The following IFT88 variants were observed in gnomAD, a reference collection of about 807,000 sequenced individuals.
IFT88 encodes intraflagellar transport 88, also known as intraflagellar transport protein 88 homolog.
In IFT88, 74 loss-of-function variants were observed where a neutral mutation model predicts 119.5. The ratio of observed to expected loss-of-function variants is 0.62; its 90% CI spans 0.51 to 0.75. The LOEUF (loss-of-function observed/expected upper bound fraction) is 0.75. IFT88 is among the 30% of genes least tolerant of loss of function. The pLI is 0.00. For synonymous variants in IFT88, 279 were observed against 316.7 expected, an observed-to-expected ratio of 0.88 and a Z score of 1.26; for missense variants, 961 against 977.7, an observed-to-expected ratio of 0.98 and a Z score of 0.23.
At chr13:20,605,398 C>T (rs762606146) in intron 13 of IFT88, among the ~76,000 whole-genome samples, 1 of 152,118 alleles carries the variant, frequency 6.6e-6, no homozygotes, top group Non-Finnish European at 1.5e-5. Context: ...AGTTGTTTCC[C>T]TCTGCATTTG....
intron 24 of IFT88, among the ~76,000 whole-genome samples, chr13:20,681,565 A>G (rs2057323861): frequency 6.6e-6 from 1 of 152,272 alleles, no homozygotes. Flanking sequence ...ATATTTCAGT[A>G]GCAGCTAGGC....
intron 22 of IFT88, among the ~76,000 whole-genome samples, chr13:20,657,612 G>A (rs988151088): frequency 6.6e-6 from 1 of 152,060 alleles, no homozygotes; most frequent in African/African-American, 2.4e-5. Flanking sequence ...AAAATAATAT[G>A]CTGGAAACGA....
chr13:20,648,589 A>G (rs1457843435), intron 20 of IFT88, among the ~76,000 whole-genome samples: 3 of 152,158 alleles, frequency 2.0e-5, no homozygotes, highest in Admixed American at 6.6e-5. Context: ...AAAATACCAA[A>G]AAAGAGTAGT....
At chr13:20,688,190 C>A (rs533227370) in intron 24 of IFT88, among the ~76,000 whole-genome samples, 4 of 152,106 alleles carry the variant, frequency 2.6e-5, no homozygotes, top group East Asian at 1.9e-4. Context: ...ACAACAACAA[C>A]AAAAAAATTA....
At chr13:20,625,996 A>G in intron 15 of IFT88, 147 bp downstream of exon 15, 1 of 353,408 alleles carries the variant, frequency 2.8e-6, no homozygotes, top group Non-Finnish European at 4.9e-6. Flanking sequence ...GTTAATTTTC[A>G]TTAAAATAGT....
intron 19 of IFT88, among the ~76,000 whole-genome samples, chr13:20,643,898 C>T (rs185737508): frequency 1.3e-3 from 205 of 152,184 alleles, no homozygotes; most frequent in African/African-American, 4.8e-3. Flanking sequence ...GGATTACAGG[C>T]GCCTGCCACC....
At position 20,607,765 on chromosome 13, in the gene IFT88, G is replaced by A; in HGVS notation, c.1112+2660G>A. The A allele has an allele frequency of 1.5e-5, 11 of 748,890 alleles. No homozygotes were observed. The South Asian group carries it at 1.5e-4, about 10-fold the overall frequency. The allele number at this position is 748,890 out of a possible 1,614,324, so 46.4% of individuals were successfully genotyped here. A position where few individuals can be genotyped will look rare whatever the true frequency, so the allele number is the denominator to read the frequency against. Reference sequence around the variant, plus strand: ...CTGTAACTTTGCCTAGAATGTCATTGCCTTCAGCATCCTCAACCTCGTCAG... The same window carrying A: ...CTGTAACTTTGCCTAGAATGTCATTACCTTCAGCATCCTCAACCTCGTCAG... On this transcript the variant is annotated intron_variant, in intron 13 of 25. Coordinates refer to ENST00000351808, the MANE Select transcript of IFT88 (RefSeq NM_006531.5).
chr13:20,678,820 G>A (rs547746415), intron 24 of IFT88, among the ~76,000 whole-genome samples: 25 of 152,254 alleles, frequency 1.6e-4, no homozygotes, highest in African/African-American at 4.8e-4. Flanking sequence ...CTTTGTCACG[G>A]TGGGCTACTT....
At chr13:20,667,563 C>T (rs2054931325) in intron 23 of IFT88, among the ~76,000 whole-genome samples, 1 of 151,686 alleles carries the variant, frequency 6.6e-6, no homozygotes, top group Non-Finnish European at 1.5e-5. Flanking sequence ...TTTATTTTTG[C>T]ATTCATTTCA....
In IFT88 at chr13:20,620,756, G is replaced by A. The variant is rs559858364; in HGVS notation, c.1199+4877G>A. 1.4e-4 allele frequency among the ~76,000 whole-genome samples: 21 copies of A among 152,210 alleles called. No homozygotes were observed. In the South Asian group the frequency reaches 4.4e-3, roughly 32 times the overall value. On this transcript the variant is annotated intron_variant, in intron 14 of 25. Coordinates refer to ENST00000351808, the MANE Select transcript of IFT88 (RefSeq NM_006531.5). ...AATTTTTTGTGGTTTAGTAGAGATG[G>A]GGTTTCACCATGTTAGCCTGGCTCG...
chr13:20,673,009 C>T (rs2056127618), intron 24 of IFT88, among the ~76,000 whole-genome samples: 1 of 152,102 alleles, frequency 6.6e-6, no homozygotes. Flanking sequence ...ATCCTTGCTC[C>T]TAGGAAGCAG....
At chr13:20,577,619 T>G (rs2037634613) in intron 2 of IFT88, among the ~76,000 whole-genome samples, 1 of 152,190 alleles carries the variant, frequency 6.6e-6, no homozygotes, top group Non-Finnish European at 1.5e-5. Flanking sequence ...GATCATGTGG[T>G]TTTTGTTCTT....
intron 19 of IFT88, 96 bp downstream of exon 19, chr13:20,643,701 A>T: frequency 1.2e-6 from 1 of 808,986 alleles, no homozygotes; most frequent in Admixed American, 2.6e-5. Context: ...AGATCTTACC[A>T]GTTTTAAAAT....
chr13:20,590,876 G>A (rs916547553), intron 4 of IFT88, 91 bp from the exon 5 acceptor site: 10 of 854,032 alleles, frequency 1.2e-5, no homozygotes, highest in African/African-American at 6.8e-5. Context: ...TTTATTTGCC[G>A]ATAGAATGAA....
At chr13:20,664,930 T>C (rs1005154339) in intron 23 of IFT88, among the ~76,000 whole-genome samples, 2 of 151,850 alleles carry the variant, frequency 1.3e-5, no homozygotes, top group Non-Finnish European at 2.9e-5. Context: ...ATACAAAAAA[T>C]TAGCCAGGCG....
intron 22 of IFT88, 74 bp from the exon 23 acceptor site, chr13:20,663,424 T>G: frequency 6.3e-7 from 1 of 1,576,824 alleles, no homozygotes; most frequent in Non-Finnish European, 8.6e-7. Context: ...AAAGACTGAG[T>G]TCACTGATTT....
intron 23 of IFT88, among the ~76,000 whole-genome samples, chr13:20,667,475 G>A (rs895974067): frequency 1.3e-5 from 2 of 152,192 alleles, no homozygotes; most frequent in African/African-American, 4.8e-5. Flanking sequence ...GAGCAGCAGT[G>A]CCCACAGCCC....
intron 20 of IFT88, among the ~76,000 whole-genome samples, chr13:20,652,093 G>C (rs1316273641): frequency 6.6e-6 from 1 of 152,178 alleles, no homozygotes; most frequent in Non-Finnish European, 1.5e-5. Flanking sequence ...ACTGTTTAAT[G>C]GTTGCAGAGT....
At position 20,615,833 on chromosome 13, in the gene IFT88, C is replaced by G. The variant is rs2139660014; in HGVS notation, c.1153C>G (p.Leu385Val). 2 of 1,608,392 alleles carry G rather than the reference C, an allele frequency of 1.2e-6. No individual in the cohort carries two copies. The highest frequency in any genetic ancestry group is 4.5e-5 in the East Asian group (2 of 44,520). ...AAAATATATTATGACATCTGCAAAA[C>G]TCATTGCTCCTGTAATTGAAACATC... ...AEKYIMTSAKLIAPVIETSFA... is the reference protein window; with the variant it reads ...AEKYIMTSAKVIAPVIETSFA... The change falls in exon 14 of 26, where the codon CTC becomes GTC. Residue 385 changes from leucine (L) to valine (V), a missense_variant. Coordinates refer to ENST00000351808, the MANE Select transcript of IFT88 (RefSeq NM_006531.5).
Sources: allele counts gnomAD v4.1 joint callset (sites outside exome capture counted in the v4.1 genomes callset), GRCh38; gene constraint gnomAD v4.1.1; transcripts MANE v1.5; gene names NCBI Gene and HGNC (gene_info 2026-07-23, HGNC 2026-07-21).